Variants in NDUFAF2 observed in about 807,000 individuals in gnomAD.
NDUFAF2 encodes NADH dehydrogenase [ubiquinone] 1 alpha subcomplex assembly factor 2.
A neutral mutation model predicts 22.8 loss-of-function variants in NDUFAF2; 13 were observed. That is an observed-to-expected ratio of 0.57 (90% CI 0.37 to 0.91). NDUFAF2 has a LOEUF of 0.91. NDUFAF2 is among the 40% of genes least tolerant of loss of function. NDUFAF2 has a pLI of 0.01. For synonymous variants in NDUFAF2, 53 were observed against 64.2 expected, an observed-to-expected ratio of 0.83 and a Z score of 0.84; for missense variants, 162 against 195.2, an observed-to-expected ratio of 0.83 and a Z score of 1.01.
chr5:61,032,833 G>T (rs185866443), intron 1 of NDUFAF2, among the ~76,000 whole-genome samples: 1 of 151,978 alleles, frequency 6.6e-6, no homozygotes, highest in African/African-American at 2.4e-5. Flanking sequence ...CCCATTAATG[G>T]GATTACTCAG....
intron 1 of NDUFAF2, among the ~76,000 whole-genome samples, chr5:61,056,920 ATATATATATATATATATATATATAT>A (rs1279756246): frequency 1.6e-4 from 2 of 12,734 alleles, no homozygotes; most frequent in African/African-American, 5.5e-4. Context: ...AAAAAAAAAA[ATATATATATATATATATATATATAT>A]ATATATATTT....
chr5:61,143,725 T>A (rs1741089414), intron 3 of NDUFAF2, among the ~76,000 whole-genome samples: 2 of 152,132 alleles, frequency 1.3e-5, no homozygotes, highest in South Asian at 4.1e-4. Flanking sequence ...GACTGACTCC[T>A]GAGCCTTAAC....
At chr5:61,117,062 G>T (rs1042426549) in intron 3 of NDUFAF2, among the ~76,000 whole-genome samples, 1 of 152,102 alleles carries the variant, frequency 6.6e-6, no homozygotes, top group Admixed American at 6.5e-5. Context: ...CTATACTAGG[G>T]TATTAGGGAA....
At chr5:61,049,355 A>G (rs1034008818) in intron 1 of NDUFAF2, among the ~76,000 whole-genome samples, 1 of 152,144 alleles carries the variant, frequency 6.6e-6, no homozygotes, top group Non-Finnish European at 1.5e-5. Context: ...CGTATAAGGA[A>G]TAAGACACGG....
chr5:61,039,271 G>A (rs528267394), intron 1 of NDUFAF2, among the ~76,000 whole-genome samples: 3 of 151,838 alleles, frequency 2.0e-5, no homozygotes, highest in Admixed American at 6.6e-5. Flanking sequence ...AAAAGAGATG[G>A]GAAGAGACTA....
intron 1 of NDUFAF2, among the ~76,000 whole-genome samples, chr5:61,045,713 A>G (rs910549020): frequency 9.7e-5 from 14 of 144,812 alleles, no homozygotes; most frequent in Non-Finnish European, 2.0e-4. Flanking sequence ...TTGTTCTAAC[A>G]GTTTTTTGAT....
At chr5:61,048,838 A>G (rs1751987791) in intron 1 of NDUFAF2, among the ~76,000 whole-genome samples, 1 of 152,106 alleles carries the variant, frequency 6.6e-6, no homozygotes, top group Admixed American at 6.6e-5. Context: ...GACCATACAA[A>G]CATCATGGTT....
chr5:61,111,820 G>A (rs967044477), intron 3 of NDUFAF2, among the ~76,000 whole-genome samples: 5 of 151,966 alleles, frequency 3.3e-5, no homozygotes, highest in South Asian at 2.1e-4. Flanking sequence ...GGGTTTCACC[G>A]TGTTAGCCAA....
At chr5:61,137,019 A>T (rs1740972438) in intron 3 of NDUFAF2, among the ~76,000 whole-genome samples, 1 of 152,232 alleles carries the variant, frequency 6.6e-6, no homozygotes, top group African/African-American at 2.4e-5. Flanking sequence ...GAGAATATGG[A>T]TGAGGCATCA....
Position 60,945,390 on chromosome 5 carries a change from G to C in NDUFAF2, c.127+8G>C. The stretch of plus-strand genomic sequence containing the variant: ...AGTACAAGAACTGGAGAGGTGAGGT[G>C]GCGGCGTGGGCAGCGATTGCGTGGT... On this transcript the variant is annotated splice_region_variant and intron_variant, in intron 1 of 3. Transcript: ENST00000296597. 6.2e-7 allele frequency: 1 copy of C among 1,614,216 alleles called. No homozygotes were observed. The highest frequency in any genetic ancestry group is 1.3e-5 in the African/African-American group (1 of 75,068).
chr5:61,080,000 A>T (rs1419570360), intron 2 of NDUFAF2, among the ~76,000 whole-genome samples: 3 of 151,868 alleles, frequency 2.0e-5, no homozygotes, highest in African/African-American at 7.3e-5. Context: ...TGTTTTGAAG[A>T]TTGTTGTTTT....
chr5:61,022,427 G>A (rs991989459), intron 1 of NDUFAF2, among the ~76,000 whole-genome samples: 4 of 152,158 alleles, frequency 2.6e-5, no homozygotes, highest in African/African-American at 7.2e-5. Flanking sequence ...TCACAGACCT[G>A]AATGATGGTT....
intron 2 of NDUFAF2, among the ~76,000 whole-genome samples, chr5:61,090,336 A>G (rs917171071): frequency 1.3e-5 from 2 of 152,056 alleles, no homozygotes; most frequent in Non-Finnish European, 2.9e-5. Context: ...GCCACAAATA[A>G]TATGTAAACA....
chr5:61,074,695 G>T (rs1752345017), intron 2 of NDUFAF2, among the ~76,000 whole-genome samples: 3 of 152,214 alleles, frequency 2.0e-5, no homozygotes, highest in Admixed American at 2.0e-4. Context: ...GGGAGGCAGA[G>T]GTTGCAGTGA....
intron 2 of NDUFAF2, among the ~76,000 whole-genome samples, chr5:61,097,000 A>G (rs1349130579): frequency 1.3e-5 from 2 of 152,154 alleles, no homozygotes; most frequent in African/African-American, 4.8e-5. Flanking sequence ...CAGAAAGAAT[A>G]ACAAGGGTAG....
chr5:61,027,711 A>G (rs1751669907), intron 1 of NDUFAF2, among the ~76,000 whole-genome samples: 1 of 151,898 alleles, frequency 6.6e-6, no homozygotes, highest in Admixed American at 6.6e-5. Context: ...TATTTTCAAC[A>G]TTCCAAAATA....
intron 1 of NDUFAF2, among the ~76,000 whole-genome samples, chr5:61,069,780 T>C (rs1183971798): frequency 6.6e-6 from 1 of 152,138 alleles, no homozygotes; most frequent in Non-Finnish European, 1.5e-5. Flanking sequence ...TATTATGTTT[T>C]CTTCCTTCCT....
chr5:61,081,418 A>G (rs1361691388), intron 2 of NDUFAF2, among the ~76,000 whole-genome samples: 3 of 152,196 alleles, frequency 2.0e-5, no homozygotes, highest in Non-Finnish European at 4.4e-5. Flanking sequence ...GAATGAGGAT[A>G]GTAATAATGA....
intron 1 of NDUFAF2, among the ~76,000 whole-genome samples, chr5:61,006,549 C>T (rs906816920): frequency 8.6e-5 from 13 of 152,044 alleles, no homozygotes; most frequent in Admixed American, 2.6e-4. Flanking sequence ...GCCATTTTCA[C>T]GATATTGATT....
Sources: allele counts gnomAD v4.1 joint callset (sites outside exome capture counted in the v4.1 genomes callset), GRCh38; gene constraint gnomAD v4.1.1; transcripts MANE v1.5; gene names NCBI Gene and HGNC (gene_info 2026-07-23, HGNC 2026-07-21).